MCUB: variants seen among roughly 807,000 people sequenced by gnomAD.
MCUB encodes mitochondrial calcium uniporter dominant negative subunit beta.
Under a neutral mutation model 41.4 loss-of-function variants are expected in MCUB, and 46 were observed. The observed-to-expected ratio is 1.11, with a 90% CI of 0.88 to 1.42. The LOEUF is 1.42. MCUB is among the 40% of genes most tolerant of loss of function. The pLI is 0.00. For missense variants in MCUB, 403 were observed against 404.9 expected (o/e 1.00, Z 0.04); for synonymous variants, 148 against 148.2 (o/e 1.00, Z 0.01).
intron 1 of MCUB, among the ~76,000 whole-genome samples, chr4:109,620,471 A>T (rs1375759298): frequency 6.7e-6 from 1 of 149,892 alleles, no homozygotes; most frequent in African/African-American, 2.5e-5. Flanking sequence ...CATGTGCCCT[A>T]AAGAGCCATT....
At chr4:109,668,948 C>T (rs1321825943) in intron 4 of MCUB, among the ~76,000 whole-genome samples, 2 of 151,952 alleles carry the variant, frequency 1.3e-5, no homozygotes, top group Admixed American at 6.6e-5. Context: ...TCCCTCATGC[C>T]CCTTGTCTCA....
chr4:109,588,064 A>G (rs1255504690), intron 1 of MCUB, among the ~76,000 whole-genome samples: 1 of 152,220 alleles, frequency 6.6e-6, no homozygotes, highest in East Asian at 1.9e-4. Flanking sequence ...TTTCTCTTTT[A>G]AGGAGTTAGT....
intron 1 of MCUB, among the ~76,000 whole-genome samples, chr4:109,585,614 T>C (rs1727288639): frequency 6.6e-6 from 1 of 152,238 alleles, no homozygotes; most frequent in Non-Finnish European, 1.5e-5. Context: ...GTTTAGTGCT[T>C]CCTTCAGGAG....
intron 1 of MCUB, among the ~76,000 whole-genome samples, chr4:109,567,097 A>G (rs940614201): frequency 7.1e-6 from 1 of 139,994 alleles, no homozygotes; most frequent in Non-Finnish European, 1.5e-5. Context: ...GCATCATTGC[A>G]CTCCAGCCTG....
intron 1 of MCUB, among the ~76,000 whole-genome samples, chr4:109,573,209 T>A (rs1006047843): frequency 1.3e-5 from 2 of 152,010 alleles, no homozygotes; most frequent in African/African-American, 2.4e-5. Context: ...TCCCAGCACT[T>A]TGGGAGGCCG....
chr4:109,586,384 C>A (rs549705830), intron 1 of MCUB, among the ~76,000 whole-genome samples: 1 of 152,030 alleles, frequency 6.6e-6, no homozygotes, highest in Non-Finnish European at 1.5e-5. Context: ...AGCTTCCTTG[C>A]GATGGGTTCG....
intron 1 of MCUB, among the ~76,000 whole-genome samples, chr4:109,628,790 T>C (rs1475854768): frequency 6.6e-6 from 1 of 152,114 alleles, no homozygotes; most frequent in East Asian, 1.9e-4. Context: ...CAAAGTGAGG[T>C]TCTAAAAGGT....
intron 1 of MCUB, among the ~76,000 whole-genome samples, chr4:109,599,958 C>T (rs1033761753): frequency 6.6e-6 from 1 of 152,206 alleles, no homozygotes; most frequent in Non-Finnish European, 1.5e-5. Context: ...GCATGAGCCA[C>T]CGCACCCCAT....
intron 4 of MCUB, among the ~76,000 whole-genome samples, chr4:109,669,285 A>T (rs1729406199): frequency 6.6e-6 from 1 of 152,158 alleles, no homozygotes. Context: ...GAATAATTTC[A>T]CAGGGTACCA....
chr4:109,566,263 A>T (rs1049219622), intron 1 of MCUB, among the ~76,000 whole-genome samples: 1 of 151,454 alleles, frequency 6.6e-6, no homozygotes, highest in Non-Finnish European at 1.5e-5. Context: ...AGGTGAGGAG[A>T]TCGAGACTAT....
At chr4:109,651,918 T>C (rs573198311) in intron 1 of MCUB, among the ~76,000 whole-genome samples, 16 of 152,334 alleles carry the variant, frequency 1.1e-4, no homozygotes, top group African/African-American at 3.6e-4. Flanking sequence ...CTTCATCCCA[T>C]TTGGGCTATG....
chr4:109,579,828 AATTAT>A (rs1374133716), intron 1 of MCUB, among the ~76,000 whole-genome samples: 4 of 152,352 alleles, frequency 2.6e-5, no homozygotes, highest in African/African-American at 9.6e-5. Flanking sequence ...TGAAAATAGC[AATTAT>A]ATTAGAGAAG....
At chr4:109,642,243 A>G (rs966436874) in intron 1 of MCUB, among the ~76,000 whole-genome samples, 2 of 152,206 alleles carry the variant, frequency 1.3e-5, no homozygotes, top group African/African-American at 2.4e-5. Flanking sequence ...TCTGTCTTCA[A>G]TCTTTTTAAA....
chr4:109,679,802 G>A lies in MCUB; in HGVS notation c.452-2780G>A, dbSNP rs149496599. The stretch of plus-strand genomic sequence containing the variant: ...GAGGTATAATTTTGTTGTTGTTGTT[G>A]TTGTTGTTGTTGTTTTTGAGACAGA... On this transcript the variant is annotated intron_variant, in intron 4 of 7. Transcript: ENST00000394650. 2.3e-3 allele frequency among the ~76,000 whole-genome samples: 348 copies of A among 148,970 alleles called. 3 individuals are homozygous for A. Among genetic ancestry groups the A allele is most frequent in the African/African-American group, 8.5e-3 (328 of 38,502 alleles).
At chr4:109,593,135 C>T (rs548299960) in intron 1 of MCUB, among the ~76,000 whole-genome samples, 27 of 152,242 alleles carry the variant, frequency 1.8e-4, no homozygotes, top group South Asian at 4.1e-4. Flanking sequence ...GCATCTTTCT[C>T]GTGTGTTAGC....
intron 1 of MCUB, among the ~76,000 whole-genome samples, chr4:109,589,120 G>A (rs1458640606): frequency 6.6e-6 from 1 of 152,198 alleles, no homozygotes; most frequent in Non-Finnish European, 1.5e-5. Context: ...GGTCCTCCAA[G>A]TGAGAGCTAC....
chr4:109,659,781 TA>T (rs1430021695), intron 2 of MCUB, among the ~76,000 whole-genome samples: 2 of 152,154 alleles, frequency 1.3e-5, no homozygotes, highest in Non-Finnish European at 2.9e-5. Flanking sequence ...CTCAGCCTCT[TA>T]AGTAGCTGCA....
chr4:109,663,771 C>G (rs1729277678), intron 3 of MCUB, among the ~76,000 whole-genome samples: 2 of 152,198 alleles, frequency 1.3e-5, no homozygotes, highest in African/African-American at 4.8e-5. Flanking sequence ...GCAGAATGGA[C>G]TCTGGCTAAG....
Position 109,688,264 on chromosome 4 carries a change from T to TATCA in MCUB, c.*673_*676dup, listed in dbSNP as rs1324874461. 1 of 152,260 alleles carries TATCA rather than the reference T, an allele frequency of 6.6e-6. No individual in the cohort carries two copies. The allele number at this position is 152,260 out of a possible 1,614,324, so 9.4% of individuals were successfully genotyped here. Reference sequence around the variant, plus strand: ...ACAAAACAGTATTATTCAGATTCTATATCATATTAATAAGAATTGAACCTT... The same window carrying TATCA: ...ACAAAACAGTATTATTCAGATTCTATATCAATCATATTAATAAGAATTGAACCTT... On this transcript the variant is annotated 3_prime_UTR_variant, in exon 8 of 8. Transcript: ENST00000394650.
Sources: gnomAD v4.1 joint callset for allele counts (sites outside exome capture counted in the v4.1 genomes callset) on GRCh38, gnomAD v4.1.1 for gene constraint, MANE v1.5 for transcripts, NCBI Gene and HGNC (gene_info 2026-07-23, HGNC 2026-07-21) for gene names.